ATRNL1: variants seen among roughly 807,000 people sequenced by gnomAD.
ATRNL1 encodes attractin-like protein 1.
A neutral mutation model predicts 182.7 loss-of-function variants in ATRNL1; 95 were observed. That is an observed-to-expected ratio of 0.52 (90% CI 0.44 to 0.62). ATRNL1 has a LOEUF of 0.62. ATRNL1 is among the 20% of genes least tolerant of loss of function. The pLI is 0.00. For synonymous variants in ATRNL1, 576 were observed against 568.3 expected (o/e 1.01, Z -0.19); for missense variants, 1,471 against 1,679.5 (o/e 0.88, Z 2.17).
At chr10:115,226,495 T>C (rs1246597785) in intron 9 of ATRNL1, among the ~76,000 whole-genome samples, 1 of 152,006 alleles carries the variant, frequency 6.6e-6, no homozygotes, top group Non-Finnish European at 1.5e-5. Context: ...ATGGCTATAC[T>C]GGCCAAAGCA....
intron 3 of ATRNL1, among the ~76,000 whole-genome samples, chr10:115,123,979 G>A (rs1554872559): frequency 6.6e-6 from 1 of 151,458 alleles, no homozygotes; most frequent in African/African-American, 2.4e-5. Context: ...TCAAGTTCAG[G>A]GCTTCCACTG....
At chr10:115,335,262 A>G (rs1554936355) in intron 19 of ATRNL1, among the ~76,000 whole-genome samples, 1 of 152,162 alleles carries the variant, frequency 6.6e-6, no homozygotes, top group Non-Finnish European at 1.5e-5. Flanking sequence ...CCGTCTCTAA[A>G]TGGAGTTTGC....
chr10:115,817,877 GTTTTTT>G (rs35087740), intron 27 of ATRNL1, among the ~76,000 whole-genome samples: 1 of 133,882 alleles, frequency 7.5e-6, no homozygotes. Flanking sequence ...TTTACGTTGT[GTTTTTT>G]TTTTTTTTTT....
chr10:115,592,221 GCTCA>G (rs1397725207), intron 26 of ATRNL1, among the ~76,000 whole-genome samples: 1 of 152,148 alleles, frequency 6.6e-6, no homozygotes, highest in Non-Finnish European at 1.5e-5. Flanking sequence ...TGGGTACTGT[GCTCA>G]CTACCTGGAT....
intron 5 of ATRNL1, among the ~76,000 whole-genome samples, chr10:115,145,366 C>T (rs1417076041): frequency 6.6e-6 from 1 of 151,960 alleles, no homozygotes; most frequent in Non-Finnish European, 1.5e-5. Flanking sequence ...AATTGGAAAC[C>T]ATTGATCTTT....
chr10:115,186,450 G>A (rs1224940805), intron 8 of ATRNL1, among the ~76,000 whole-genome samples: 1 of 152,076 alleles, frequency 6.6e-6, no homozygotes, highest in Non-Finnish European at 1.5e-5. Context: ...CCAAGATTTG[G>A]AAGCAATCTA....
At chr10:115,364,973 A>C (rs1315690281) in intron 19 of ATRNL1, among the ~76,000 whole-genome samples, 4 of 150,806 alleles carry the variant, frequency 2.7e-5, no homozygotes, top group African/African-American at 9.9e-5. Flanking sequence ...ATATTGGTCT[A>C]AAATTCTCTT....
chr10:115,270,170 A>G (rs1406424520), intron 13 of ATRNL1, among the ~76,000 whole-genome samples: 2 of 149,572 alleles, frequency 1.3e-5, no homozygotes, highest in South Asian at 2.1e-4. Flanking sequence ...AGGGACTTGT[A>G]TTACAGTTCT....
rs560798355 is a variant in ATRNL1, at chr10:115,600,990, A to G, written c.3795+51454A>G. ...ACATTTTCTAGAACCATTGTCGAAAACATTATCCTTTCCGCATTGCATTTC... is the reference window on the plus strand; with the variant it reads ...ACATTTTCTAGAACCATTGTCGAAAGCATTATCCTTTCCGCATTGCATTTC... On this transcript the variant is annotated intron_variant, in intron 26 of 28. Transcript: ENST00000355044. 4.0e-5 allele frequency among the ~76,000 whole-genome samples: 6 copies of G among 150,304 alleles called. No homozygotes were observed. The South Asian group carries it at 1.0e-3, about 26-fold the overall frequency.
intron 19 of ATRNL1, among the ~76,000 whole-genome samples, chr10:115,354,071 A>G (rs532458521): frequency 3.3e-4 from 50 of 152,324 alleles, no homozygotes; most frequent in Middle Eastern, 3.4e-3. Context: ...TGTGGGCCAC[A>G]TGCAGCCCAG....
At chr10:115,338,736 A>C (rs538268197) in intron 19 of ATRNL1, among the ~76,000 whole-genome samples, 32 of 152,182 alleles carry the variant, frequency 2.1e-4, no homozygotes, top group African/African-American at 7.2e-4. Context: ...ACTTGTTGTA[A>C]TCCCATTTGT....
intron 26 of ATRNL1, among the ~76,000 whole-genome samples, chr10:115,578,978 T>C (rs1854898924): frequency 6.6e-6 from 1 of 151,770 alleles, no homozygotes; most frequent in South Asian, 2.1e-4. Flanking sequence ...TTCCAAAGCA[T>C]TTGGTTTCAT....
chr10:115,702,853 A>G (rs1274380617), intron 26 of ATRNL1, among the ~76,000 whole-genome samples: 1 of 152,006 alleles, frequency 6.6e-6, no homozygotes, highest in African/African-American at 2.4e-5. Flanking sequence ...GCCCAAAATA[A>G]TCTACAGATT....
intron 10 of ATRNL1, among the ~76,000 whole-genome samples, chr10:115,247,173 A>C (rs1850681128): frequency 6.6e-6 from 1 of 152,220 alleles, no homozygotes; most frequent in African/African-American, 2.4e-5. Context: ...ATCATATAAA[A>C]TAAAAAGCTT....
At chr10:115,215,433 T>A (rs563917780) in intron 8 of ATRNL1, among the ~76,000 whole-genome samples, 9 of 152,318 alleles carry the variant, frequency 5.9e-5, no homozygotes, top group Middle Eastern at 3.4e-3. Context: ...GTTTTCCTTT[T>A]TCTCTTGCAA....
intron 26 of ATRNL1, among the ~76,000 whole-genome samples, chr10:115,599,137 G>A (rs1244208904): frequency 1.3e-5 from 2 of 152,134 alleles, no homozygotes; most frequent in African/African-American, 2.4e-5. Flanking sequence ...TTAAAGTACT[G>A]TATTGGAAAG....
intron 19 of ATRNL1, among the ~76,000 whole-genome samples, chr10:115,380,951 C>T (rs943713191): frequency 3.3e-5 from 5 of 152,106 alleles, no homozygotes; most frequent in African/African-American, 4.8e-5. Flanking sequence ...TTAATATTTT[C>T]ATGGACTACC....
intron 26 of ATRNL1, among the ~76,000 whole-genome samples, chr10:115,716,003 C>T (rs1195068415): frequency 2.6e-5 from 4 of 152,096 alleles, no homozygotes; most frequent in Non-Finnish European, 2.9e-5. Context: ...ATAAGAAAGC[C>T]GATTTATATC....
chr10:115,785,515 A>T (rs1028469565), intron 27 of ATRNL1, among the ~76,000 whole-genome samples: 29 of 152,338 alleles, frequency 1.9e-4, no homozygotes, highest in Admixed American at 3.9e-4. Context: ...AATTCATGGG[A>T]GTCTGTGCCA....
Sources: gnomAD v4.1 joint callset for allele counts (sites outside exome capture counted in the v4.1 genomes callset) on GRCh38, gnomAD v4.1.1 for gene constraint, MANE v1.5 for transcripts, NCBI Gene and HGNC (gene_info 2026-07-23, HGNC 2026-07-21) for gene names.